CDH23: variants seen among roughly 807,000 people sequenced by gnomAD.
CDH23 encodes cadherin related 23.
A neutral mutation model predicts 317.1 loss-of-function variants in CDH23; 189 were observed. The observed-to-expected ratio is 0.60, with a 90% CI of 0.53 to 0.67. The LOEUF is 0.67. Among genes scored for constraint, CDH23 ranks in the 30% least tolerant of loss-of-function variants. CDH23 has a pLI of 0.00. For missense variants in CDH23, 4,401 were observed against 4,592.4 expected (o/e 0.96, Z 1.20); for synonymous variants, 1,839 against 1,876.8 (o/e 0.98, Z 0.52).
chr10:71,743,238 A>G (rs960514312), intron 38 of CDH23, among the ~76,000 whole-genome samples: 3 of 152,188 alleles, frequency 2.0e-5, no homozygotes, highest in Admixed American at 6.5e-5. Flanking sequence ...AAGGAAGGTG[A>G]AGAGTTCAGG....
At chr10:71,483,887 C>G (rs7085904) in intron 3 of CDH23, among the ~76,000 whole-genome samples, 43,406 of 152,026 alleles carry the variant, frequency 0.29, 6,296 homozygotes, top group East Asian at 0.3. Flanking sequence ...GTTCACTCTC[C>G]CCCCACACAC....
intron 40 of CDH23, among the ~76,000 whole-genome samples, chr10:71,778,781 G>A (rs138328438): frequency 1.3e-4 from 20 of 152,260 alleles, no homozygotes; most frequent in Middle Eastern, 3.4e-3. Flanking sequence ...TTTGAGACAA[G>A]TTTTCACTCT....
rs369033806 is a variant in CDH23, at chr10:71,791,326, T to C, written c.6244T>C (p.Cys2082Arg). 15 of 1,613,284 alleles carry C rather than the reference T, an allele frequency of 9.3e-6. No individual in the cohort carries two copies. The highest frequency in any genetic ancestry group is 1.2e-5 in the Non-Finnish European group (14 of 1,179,708). ...CCTCACTGTCCATCTGCTAGAGAAC[T>C]GCCCGCCTGGTAAGCAGGGGACAGG... ...ATLTVHLLEN[C>R]PPGFSVLQVT... The change falls in exon 47 of 70, where the codon TGC (cysteine) becomes CGC (arginine). Residue 2082 changes from cysteine to arginine, a missense_variant. Around this residue, in one of 3 missense-constraint regions of CDH23, gnomAD observed 3,068 missense variants for 3,203.3 expected, o/e 0.96. Transcript: ENST00000224721.
chr10:71,587,579 A>G (rs1859167157), intron 9 of CDH23, among the ~76,000 whole-genome samples: 1 of 152,222 alleles, frequency 6.6e-6, no homozygotes, highest in African/African-American at 2.4e-5. Context: ...GTACCTAGGA[A>G]GGCATCTAGG....
chr10:71,679,729 C>T (rs1285597865), intron 17 of CDH23, among the ~76,000 whole-genome samples: 1 of 152,222 alleles, frequency 6.6e-6, no homozygotes, highest in East Asian at 1.9e-4. Flanking sequence ...TAGGCCATGG[C>T]CAGCCCTGCA....
chr10:71,479,808 C>T (rs1470081277), intron 3 of CDH23, among the ~76,000 whole-genome samples: 6 of 151,760 alleles, frequency 4.0e-5, no homozygotes, highest in Non-Finnish European at 5.9e-5. Context: ...GTGGGAGCAG[C>T]GGAGAGGCTG....
At chr10:71,567,986 G>C (rs969693201) in intron 7 of CDH23, among the ~76,000 whole-genome samples, 4 of 152,210 alleles carry the variant, frequency 2.6e-5, no homozygotes, top group African/African-American at 9.6e-5. Flanking sequence ...GGCTCTCCTT[G>C]GTAGGTCACA....
chr10:71,809,625 G>A (rs776123594), intron 60 of CDH23, among the ~76,000 whole-genome samples, 195 bp from the exon 61 acceptor site: 13 of 152,162 alleles, frequency 8.5e-5, no homozygotes, highest in East Asian at 1.9e-4. Context: ...GATGATAACC[G>A]GCTGAGACCC....
chr10:71,679,059 G>T (rs1275832820), intron 16 of CDH23, among the ~76,000 whole-genome samples: 1 of 151,980 alleles, frequency 6.6e-6, no homozygotes, highest in South Asian at 2.1e-4. Context: ...GGGGTTGGGG[G>T]TGGGAGGTAA....
At chr10:71,647,242 C>T (rs537521598) in intron 14 of CDH23, 1 of 282,368 alleles carries the variant, frequency 3.5e-6, no homozygotes, top group Non-Finnish European at 5.3e-6. Context: ...GTGGGCGGAT[C>T]ACTTGAGGTC....
Position 71,777,860 on chromosome 10 carries a change from G to T in CDH23, c.5026G>T (p.Ala1676Ser), listed in dbSNP as rs56043301. 6.2e-7 allele frequency: 1 copy of T among 1,613,910 alleles called. No individual in the cohort carries two copies. Residue 1676 changes from alanine (A) to serine (S), a missense_variant, in exon 39 of 70, where the codon GCA becomes TCA. Physicochemically the swap from Ala to Ser is moderately conservative, Grantham distance 99. This residue lies in a region of CDH23 where 3,068 missense variants were observed against 3,203.3 expected (regional missense o/e 0.96). Transcript: ENST00000224721. ...CGGCACAGTCACCTATGCCATCGTC[G>T]CAGGCAACATCGTCAACACCTTCCG... ...PNGTVTYAIVAGNIVNTFRID... is the reference protein window; with the variant it reads ...PNGTVTYAIVSGNIVNTFRID...
chr10:71,611,819 T>C (rs1860914944), intron 9 of CDH23, among the ~76,000 whole-genome samples: 1 of 152,218 alleles, frequency 6.6e-6, no homozygotes, highest in Non-Finnish European at 1.5e-5. Flanking sequence ...AATGTCTGTC[T>C]TCACAGACAA....
At chr10:71,509,113 TC>T (rs2132192496) in intron 3 of CDH23, among the ~76,000 whole-genome samples, 1 of 152,290 alleles carries the variant, frequency 6.6e-6, no homozygotes, top group African/African-American at 2.4e-5. Flanking sequence ...CACCTGCCTC[TC>T]AATCCCCTTC....
intron 6 of CDH23, among the ~76,000 whole-genome samples, chr10:71,557,646 G>C (rs1856935494): frequency 6.6e-6 from 1 of 152,114 alleles, no homozygotes; most frequent in Non-Finnish European, 1.5e-5. Flanking sequence ...GCTTTTGTTT[G>C]TTGATAGTTT....
intron 14 of CDH23, among the ~76,000 whole-genome samples, chr10:71,667,535 G>A (rs10999942): frequency 0.034 from 5,142 of 152,052 alleles, 269 homozygotes; most frequent in East Asian, 0.23. Flanking sequence ...AGCTGCCTGA[G>A]ATGCAGAGAG....
At chr10:71,584,367 T>C (rs1858882619) in intron 9 of CDH23, among the ~76,000 whole-genome samples, 2 of 152,156 alleles carry the variant, frequency 1.3e-5, no homozygotes, top group South Asian at 4.2e-4. Context: ...CTTTCAACTT[T>C]CAAGGCAGTG....
intron 3 of CDH23, among the ~76,000 whole-genome samples, chr10:71,459,831 T>C (rs74144986): frequency 0.033 from 5,044 of 152,288 alleles, 294 homozygotes; most frequent in African/African-American, 0.11. Flanking sequence ...CAGCCTGTTC[T>C]TCTTCATACG....
At chr10:71,508,954 A>C (rs1400664351) in intron 3 of CDH23, among the ~76,000 whole-genome samples, 10 of 152,212 alleles carry the variant, frequency 6.6e-5, no homozygotes, top group Admixed American at 6.5e-4. Flanking sequence ...TGGGCAAAGC[A>C]GGGCAGTTAG....
chr10:71,753,246 T>C (rs1840052415), intron 38 of CDH23, among the ~76,000 whole-genome samples: 1 of 152,224 alleles, frequency 6.6e-6, no homozygotes, highest in Non-Finnish European at 1.5e-5. Context: ...CTATCTGCAT[T>C]TTCCAGGAGT....
Sources: allele counts gnomAD v4.1 joint callset (sites outside exome capture counted in the v4.1 genomes callset), GRCh38; gene constraint gnomAD v4.1.1; regional missense constraint gnomAD v4.1.1; transcripts MANE v1.5; gene names NCBI Gene and HGNC (gene_info 2026-07-23, HGNC 2026-07-21).